Variants in ETV6 observed in about 807,000 individuals in gnomAD.
ETV6 encodes ETS variant transcription factor 6, also known as transcription factor ETV6.
In ETV6, 16 loss-of-function variants were observed where a neutral mutation model predicts 51.1. The ratio of observed to expected loss-of-function variants is 0.31; its 90% CI spans 0.21 to 0.48. ETV6 has a LOEUF of 0.48. Among genes scored for constraint, ETV6 ranks in the 20% least tolerant of loss-of-function variants. The pLI, the probability that ETV6 is intolerant of heterozygous loss-of-function variation, is 0.99. For missense variants in ETV6, 458 were observed against 594.8 expected (o/e 0.77, Z 2.39); for synonymous variants, 240 against 224.1 (o/e 1.07, Z -0.64).
intron 1 of ETV6, among the ~76,000 whole-genome samples, chr12:11,659,298 C>T (rs546226934): frequency 6.6e-6 from 1 of 152,300 alleles, no homozygotes; most frequent in South Asian, 2.1e-4. Context: ...TTTGTATGTA[C>T]ATGGCAGATG....
chr12:11,884,638 C>T (rs2136596881), intron 6 of ETV6, 51 bp downstream of exon 6: 1 of 1,604,644 alleles, frequency 6.2e-7, no homozygotes, highest in Non-Finnish European at 8.5e-7. Context: ...AAATGAAGTC[C>T]TTATCCCTGG....
At chr12:11,672,664 T>C (rs1222773336) in intron 1 of ETV6, among the ~76,000 whole-genome samples, 1 of 152,242 alleles carries the variant, frequency 6.6e-6, no homozygotes, top group African/African-American at 2.4e-5. Flanking sequence ...CTGTAAATCA[T>C]GCTGCTCATA....
At chr12:11,660,407 C>G (rs890104278) in intron 1 of ETV6, among the ~76,000 whole-genome samples, 1 of 151,890 alleles carries the variant, frequency 6.6e-6, no homozygotes, top group Non-Finnish European at 1.5e-5. Context: ...GAGTTCAAGA[C>G]CAGCCTGGCC....
chr12:11,861,138 C>T (rs1412916230), intron 4 of ETV6, among the ~76,000 whole-genome samples: 1 of 152,162 alleles, frequency 6.6e-6, no homozygotes, highest in Non-Finnish European at 1.5e-5. Flanking sequence ...TTAAGAACTA[C>T]AAGATTAACC....
chr12:11,785,956 A>G (rs1469064645), intron 2 of ETV6, among the ~76,000 whole-genome samples: 1 of 152,182 alleles, frequency 6.6e-6, no homozygotes, highest in Non-Finnish European at 1.5e-5. Flanking sequence ...TGTGCTTGGC[A>G]TCTAATTTTG....
intron 2 of ETV6, among the ~76,000 whole-genome samples, chr12:11,808,500 A>G (rs955995539): frequency 6.6e-6 from 1 of 152,166 alleles, no homozygotes; most frequent in African/African-American, 2.4e-5. Flanking sequence ...TCAGAATAGC[A>G]TATAACAACT....
At chr12:11,774,765 G>A (rs1355794582) in intron 2 of ETV6, among the ~76,000 whole-genome samples, 1 of 152,198 alleles carries the variant, frequency 6.6e-6, no homozygotes, top group African/African-American at 2.4e-5. Context: ...CGGTACTGAG[G>A]ACCACATCAA....
At chr12:11,745,819 T>C (rs1337495798) in intron 1 of ETV6, among the ~76,000 whole-genome samples, 1 of 152,138 alleles carries the variant, frequency 6.6e-6, no homozygotes, top group African/African-American at 2.4e-5. Flanking sequence ...GGATAGAAAG[T>C]AATATGTTTG....
chr12:11,714,110 A>G (rs1591626867), intron 1 of ETV6, among the ~76,000 whole-genome samples: 1 of 152,330 alleles, frequency 6.6e-6, no homozygotes, highest in East Asian at 1.9e-4. Flanking sequence ...TTGCTGCTGT[A>G]TCCTTAGTGT....
chr12:11,751,286 C>T (rs1359986116), intron 1 of ETV6: 11 of 514,496 alleles, frequency 2.1e-5, no homozygotes, highest in Admixed American at 2.0e-4. Flanking sequence ...ACTATCTTTC[C>T]AAAACGTAAA....
chr12:11,652,980 ACT>A (rs1863935051), intron 1 of ETV6, among the ~76,000 whole-genome samples: 1 of 151,166 alleles, frequency 6.6e-6, no homozygotes, highest in African/African-American at 2.4e-5. Flanking sequence ...GGGCACTGAA[ACT>A]CTCACTGAGC....
At chr12:11,721,434 G>A (rs1865384742) in intron 1 of ETV6, among the ~76,000 whole-genome samples, 1 of 152,170 alleles carries the variant, frequency 6.6e-6, no homozygotes, top group Non-Finnish European at 1.5e-5. Flanking sequence ...TAACCATGTT[G>A]GAAGAGCTGG....
chr12:11,651,002 A>G (rs1463104729), intron 1 of ETV6, among the ~76,000 whole-genome samples: 1 of 152,194 alleles, frequency 6.6e-6, no homozygotes, highest in Non-Finnish European at 1.5e-5. Flanking sequence ...ATGCATGTCT[A>G]TATATCTGTA....
rs780946855 is a variant in ETV6 at position 11,869,738 on chromosome 12, C to G, written c.778C>G (p.Gln260Glu). 1 of 1,613,878 alleles carries G rather than the reference C, an allele frequency of 6.2e-7. No homozygotes were observed. The highest frequency in any genetic ancestry group is 1.1e-5 in the South Asian group (1 of 91,080). ...ESHPKPSSPRQESTRVIQLMP... is the reference protein window; with the variant it reads ...ESHPKPSSPREESTRVIQLMP... ...CCACCCGAAGCCATCCAGCCCCCGG[C>G]AGGAGAGCACACGCGTGATCCAGCT... The change falls in exon 5 of 8, where the codon CAG becomes GAG. Residue 260 changes from glutamine (Q) to glutamate (E), a missense_variant. This residue lies in a region of ETV6 where 293 missense variants were observed against 315.7 expected (regional missense o/e 0.93). Transcript: ENST00000396373. This position sits in a 1 kb window ranked among gnomAD's most constrained non-coding sequence, Gnocchi z 5.0.
intron 2 of ETV6, among the ~76,000 whole-genome samples, chr12:11,812,615 C>G (rs1945930223): frequency 6.6e-6 from 1 of 152,096 alleles, no homozygotes; most frequent in Admixed American, 6.6e-5. Context: ...GAGGATCTTA[C>G]CAGAGGCGGG....
chr12:11,883,350 G>A (rs1475126643), intron 5 of ETV6, among the ~76,000 whole-genome samples: 1 of 140,442 alleles, frequency 7.1e-6, no homozygotes, highest in Non-Finnish European at 1.5e-5. Flanking sequence ...CTGGAGGGCA[G>A]TGGTGCGATC....
chr12:11,725,361 T>C (rs1372054182), intron 1 of ETV6, among the ~76,000 whole-genome samples: 3 of 152,180 alleles, frequency 2.0e-5, no homozygotes, highest in Non-Finnish European at 4.4e-5. Context: ...TGGGATGTTA[T>C]TTGCTTTAAT....
intron 3 of ETV6, 88 bp from the exon 4 acceptor site, chr12:11,853,339 C>T (rs571196065): frequency 3.8e-5 from 57 of 1,513,556 alleles, no homozygotes; most frequent in South Asian, 3.5e-4. Context: ...TCTTTGGCAC[C>T]GTGCCAGGCA....
At chr12:11,734,365 G>A (rs1387259466) in intron 1 of ETV6, among the ~76,000 whole-genome samples, 1 of 151,900 alleles carries the variant, frequency 6.6e-6, no homozygotes, top group Non-Finnish European at 1.5e-5. Context: ...CCCACACTTC[G>A]GGAGGCCAAG....
Sources: allele counts gnomAD v4.1 joint callset (sites outside exome capture counted in the v4.1 genomes callset), GRCh38; gene constraint gnomAD v4.1.1; regional missense constraint gnomAD v4.1.1; non-coding constraint Gnocchi (gnomAD v3.1); transcripts MANE v1.5; gene names NCBI Gene and HGNC (gene_info 2026-07-23, HGNC 2026-07-21).